CDH12: variants seen among roughly 807,000 people sequenced by gnomAD.
CDH12 encodes the protein cadherin-12.
In CDH12, 41 loss-of-function variants were observed where a neutral mutation model predicts 74.1. The observed-to-expected ratio is 0.55, with a 90% CI of 0.43 to 0.72. CDH12 has a LOEUF of 0.72. CDH12 is among the 30% of genes least tolerant of loss of function. CDH12 has a pLI of 0.00. For synonymous variants in CDH12, 399 were observed against 355.0 expected, an observed-to-expected ratio of 1.12 and a Z score of -1.39; for missense variants, 945 against 977.2, an observed-to-expected ratio of 0.97 and a Z score of 0.44.
At chr5:22,639,584 G>A (rs529515572) in intron 1 of CDH12, among the ~76,000 whole-genome samples, 1 of 152,124 alleles carries the variant, frequency 6.6e-6, no homozygotes, top group Non-Finnish European at 1.5e-5. Context: ...TCTTGGTTGG[G>A]CCATCAAGAG....
At chr5:22,207,242 GAA>G (rs1038145307) in intron 4 of CDH12, among the ~76,000 whole-genome samples, 1 of 142,172 alleles carries the variant, frequency 7.0e-6, no homozygotes, top group African/African-American at 2.6e-5. Context: ...AAAAAAAAAA[GAA>G]AAAAAAATTC....
intron 8 of CDH12, among the ~76,000 whole-genome samples, chr5:21,838,055 A>G (rs1466909568): frequency 6.6e-6 from 1 of 152,126 alleles, no homozygotes; most frequent in Non-Finnish European, 1.5e-5. Flanking sequence ...AATAACTTTT[A>G]TTTTAATATG....
chr5:21,784,531 T>C (rs929574752), intron 10 of CDH12, among the ~76,000 whole-genome samples: 1 of 152,188 alleles, frequency 6.6e-6, no homozygotes, highest in Non-Finnish European at 1.5e-5. Flanking sequence ...TAATTATTAT[T>C]ACACAGTCTT....
At chr5:22,623,319 A>G (rs1189310920) in intron 1 of CDH12, among the ~76,000 whole-genome samples, 1 of 152,236 alleles carries the variant, frequency 6.6e-6, no homozygotes, top group Non-Finnish European at 1.5e-5. Flanking sequence ...GGTCAGGGCA[A>G]TCAGGCAGGA....
intron 6 of CDH12, among the ~76,000 whole-genome samples, chr5:21,908,835 G>A (rs995007526): frequency 2.0e-5 from 3 of 152,076 alleles, no homozygotes; most frequent in Admixed American, 1.3e-4. Context: ...ATCAGATTTT[G>A]GTGTTGGCTG....
intron 1 of CDH12, among the ~76,000 whole-genome samples, chr5:22,718,592 A>T (rs1415668129): frequency 6.6e-6 from 1 of 152,184 alleles, no homozygotes; most frequent in East Asian, 1.9e-4. Flanking sequence ...GCCCAGGGAC[A>T]TTGCCCACTG....
At chr5:22,126,872 C>T (rs546983359) in intron 4 of CDH12, among the ~76,000 whole-genome samples, 177 of 152,162 alleles carry the variant, frequency 1.2e-3, no homozygotes, top group African/African-American at 4.0e-3. Flanking sequence ...TCCCCAATGG[C>T]GTATAAAAAG....
chr5:22,553,494 T>G (rs760370395), intron 1 of CDH12, among the ~76,000 whole-genome samples: 7 of 152,050 alleles, frequency 4.6e-5, no homozygotes, highest in Admixed American at 6.6e-5. Flanking sequence ...ACATTGGGAA[T>G]TTGAAATTAA....
At chr5:22,275,631 G>A (rs1226531550) in intron 3 of CDH12, among the ~76,000 whole-genome samples, 1 of 152,126 alleles carries the variant, frequency 6.6e-6, no homozygotes, top group East Asian at 1.9e-4. Flanking sequence ...AAAATAAGAA[G>A]CTTAAATCAT....
intron 3 of CDH12, among the ~76,000 whole-genome samples, chr5:22,304,210 A>G (rs1389680642): frequency 1.3e-5 from 2 of 152,144 alleles, no homozygotes; most frequent in Admixed American, 1.3e-4. Flanking sequence ...AGATGCCGTA[A>G]ATAATTGTGT....
chr5:22,080,511 A>G lies in CDH12; in HGVS notation c.-186-1649T>C, dbSNP rs1040921616. ...AAAACCGTAAGTTGTCTTTTTTTGC[A>G]TCTTTTCATTCTGACAAAATAATAT... On this transcript the variant is annotated intron_variant, in intron 4 of 14. Coordinates refer to ENST00000382254, the MANE Select transcript of CDH12 (RefSeq NM_004061.5). Among the ~76,000 whole-genome samples, 12 of 152,158 alleles carry G rather than the reference A, an allele frequency of 7.9e-5. No homozygotes were observed. The East Asian group carries it at 2.1e-3, about 27-fold the overall frequency.
intron 1 of CDH12, among the ~76,000 whole-genome samples, chr5:22,655,746 G>A (rs914441797): frequency 3.9e-5 from 6 of 152,108 alleles, no homozygotes; most frequent in African/African-American, 1.4e-4. Flanking sequence ...CTTTGTTTAT[G>A]CTGTCGCATC....
At chr5:22,504,832 G>C (rs1736316485) in intron 2 of CDH12, among the ~76,000 whole-genome samples, 1 of 151,904 alleles carries the variant, frequency 6.6e-6, no homozygotes, top group Admixed American at 6.6e-5. Context: ...TTCAACAGAG[G>C]TTTCCCTTTG....
chr5:21,802,760 T>C (rs1393506829), intron 9 of CDH12, among the ~76,000 whole-genome samples: 1 of 151,772 alleles, frequency 6.6e-6, no homozygotes, highest in East Asian at 1.9e-4. Context: ...CCTGGCTAAT[T>C]TTTGTATTTT....
intron 2 of CDH12, among the ~76,000 whole-genome samples, chr5:22,409,857 G>A (rs542491256): frequency 6.6e-6 from 1 of 152,096 alleles, no homozygotes; most frequent in Non-Finnish European, 1.5e-5. Flanking sequence ...GCTGAGAGTG[G>A]TAGTTCTGGG....
chr5:21,776,171 G>T (rs1745574936), intron 11 of CDH12, among the ~76,000 whole-genome samples: 1 of 152,156 alleles, frequency 6.6e-6, no homozygotes, highest in East Asian at 1.9e-4. Context: ...TGCTCCTGTG[G>T]CTGGAAACTG....
Position 21,751,519 on chromosome 5 carries a change from A to C in CDH12, c.*218T>G, listed in dbSNP as rs959028699. 3.7e-6 allele frequency: 2 copies of C among 539,472 alleles called. No individual in the cohort carries two copies. Among genetic ancestry groups the C allele is most frequent in the African/African-American group, 3.8e-5 (2 of 52,976 alleles). 33.4% of individuals were successfully genotyped at this position (539,472 alleles called of 1,614,324 possible). On this transcript the variant is annotated 3_prime_UTR_variant, in exon 15 of 15. Transcript: ENST00000382254. The stretch of plus-strand genomic sequence containing the variant: ...AAAGCAAGTACACATTATAGGATGT[A>C]TCTCTTGTTGGCAGAATAAACCAAA...
chr5:22,732,247 T>G (rs2127005038), intron 1 of CDH12, among the ~76,000 whole-genome samples: 1 of 151,916 alleles, frequency 6.6e-6, no homozygotes, highest in South Asian at 2.1e-4. Context: ...TCCCTCTGTA[T>G]ATATCTTTGT....
At chr5:22,376,117 C>T (rs2126363065) in intron 3 of CDH12, among the ~76,000 whole-genome samples, 1 of 152,196 alleles carries the variant, frequency 6.6e-6, no homozygotes, top group African/African-American at 2.4e-5. Flanking sequence ...TACTATTCTG[C>T]CATAAAAATG....
Sources: allele counts gnomAD v4.1 joint callset (sites outside exome capture counted in the v4.1 genomes callset), GRCh38; gene constraint gnomAD v4.1.1; transcripts MANE v1.5; gene names NCBI Gene and HGNC (gene_info 2026-07-23, HGNC 2026-07-21).